GLDN: variants seen among roughly 807,000 people sequenced by gnomAD.
The protein encoded by GLDN is gliomedin.
In GLDN, 47 loss-of-function variants were observed where a neutral mutation model predicts 56.5. The ratio of observed to expected loss-of-function variants is 0.83; its 90% CI spans 0.66 to 1.06. The LOEUF (loss-of-function observed/expected upper bound fraction) is 1.06. Ranked by LOEUF, GLDN falls within the 50% of genes least tolerant of loss-of-function variation. The pLI, the probability that GLDN is intolerant of heterozygous loss-of-function variation, is 0.00. For synonymous variants in GLDN, 332 were observed against 278.8 expected (o/e 1.19, Z -1.90); for missense variants, 782 against 714.3 (o/e 1.09, Z -1.08).
intron 1 of GLDN, among the ~76,000 whole-genome samples, chr15:51,351,368 T>C (rs2037073577): frequency 6.6e-6 from 1 of 152,170 alleles, no homozygotes; most frequent in Non-Finnish European, 1.5e-5. Context: ...CCTGCCACTA[T>C]GCCGGGGAAA....
At chr15:51,395,296 G>T (rs944626910) in intron 5 of GLDN, among the ~76,000 whole-genome samples, 1 of 152,198 alleles carries the variant, frequency 6.6e-6, no homozygotes, top group African/African-American at 2.4e-5. Context: ...CAAGTAAGCA[G>T]GCAACTTACG....
chr15:51,383,157 T>C (rs1026777780), intron 2 of GLDN, among the ~76,000 whole-genome samples: 6 of 152,190 alleles, frequency 3.9e-5, no homozygotes, highest in African/African-American at 1.2e-4. Context: ...GTTTATTAGG[T>C]TGACTGCTTG....
Position 51,404,819 on chromosome 15 carries a change from G to T in GLDN, c.*65G>T. 1.2e-6 allele frequency: 1 copy of T among 814,366 alleles called. No homozygotes were observed. Among genetic ancestry groups the T allele is most frequent in the Non-Finnish European group, 2.0e-6 (1 of 495,540 alleles). The allele number at this position is 814,366 out of a possible 1,614,324, so 50.4% of individuals were successfully genotyped here. On this transcript the variant is annotated 3_prime_UTR_variant, in exon 10 of 10. Coordinates refer to ENST00000335449, the MANE Select transcript of GLDN (RefSeq NM_181789.4). Reference sequence around the variant, plus strand: ...TTCTGGGACCAGTTCTCCCCCAACAGGAAACTTGTTTTTTTAACGTCAGCC... The same window carrying T: ...TTCTGGGACCAGTTCTCCCCCAACATGAAACTTGTTTTTTTAACGTCAGCC...
chr15:51,408,291 G>A (rs144494590), downstream of GLDN, among the ~76,000 whole-genome samples: 1,416 of 152,240 alleles, frequency 9.3e-3, 26 homozygotes, highest in Non-Finnish European at 9.2e-3. Flanking sequence ...GGCAATTGAG[G>A]ACATAATATT....
chr15:51,342,093 G>T, intron 1 of GLDN, 46 bp downstream of exon 1: 1 of 1,586,190 alleles, frequency 6.3e-7, no homozygotes, highest in Admixed American at 1.7e-5. Flanking sequence ...CAGGTGGGCG[G>T]CTGGGGGTGT....
downstream of GLDN, among the ~76,000 whole-genome samples, chr15:51,409,698 C>T (rs146553155): frequency 9.7e-3 from 1,479 of 152,282 alleles, 19 homozygotes; most frequent in African/African-American, 0.034. Flanking sequence ...ACAGAACACT[C>T]GATCCCACTG....
chr15:51,410,214 C>T (rs1374516394), downstream of GLDN, among the ~76,000 whole-genome samples: 6 of 152,218 alleles, frequency 3.9e-5, no homozygotes, highest in Non-Finnish European at 7.3e-5. Context: ...TCACCCCTTC[C>T]CTCTACGTGA....
At chr15:51,377,178 C>G in intron 1 of GLDN, 1 of 486,424 alleles carries the variant, frequency 2.1e-6, no homozygotes, top group East Asian at 3.4e-5. Flanking sequence ...ACCACAAACA[C>G]GAAGTCATGC....
chr15:51,408,267 A>C (rs1324066219), downstream of GLDN, among the ~76,000 whole-genome samples: 1 of 152,216 alleles, frequency 6.6e-6, no homozygotes, highest in Non-Finnish European at 1.5e-5. Flanking sequence ...TTGCCAATTC[A>C]TCAGCATGGG....
intron 1 of GLDN, among the ~76,000 whole-genome samples, chr15:51,372,592 T>G (rs1294998378): frequency 1.3e-5 from 2 of 152,154 alleles, no homozygotes; most frequent in Non-Finnish European, 2.9e-5. Flanking sequence ...GTGGCTGGGT[T>G]GGACTTTTTC....
chr15:51,394,980 A>G lies in GLDN; in HGVS notation c.687A>G (p.Ala229=). ...ATGTGTCCAACGACGTGCTCCTGGCAGGTAAGAGGGGTACGCTGTGGCTCT... is the reference window on the plus strand; with the variant it reads ...ATGTGTCCAACGACGTGCTCCTGGCGGGTAAGAGGGGTACGCTGTGGCTCT... ...KGDVSNDVLL[A]GAKGDQGPPG... is the part of the protein sequence containing the mutation. Residue 229 remains alanine, a splice_region_variant and synonymous_variant, in exon 5 of 10, where the codon GCA becomes GCG. Transcript: ENST00000335449. 16 of 1,592,338 alleles carry G rather than the reference A, an allele frequency of 1.0e-5. No individual in the cohort carries two copies. Among genetic ancestry groups the G allele is most frequent in the Non-Finnish European group, 1.4e-5 (16 of 1,171,840 alleles).
Position 51,377,483 on chromosome 15 carries a change from A to T in GLDN, c.398A>T (p.Lys133Met). 2 of 1,614,098 alleles carry T rather than the reference A, an allele frequency of 1.2e-6. No individual in the cohort carries two copies. Among genetic ancestry groups the T allele is most frequent in the South Asian group, 1.1e-5 (1 of 91,072 alleles). ...ATGGTGGACCTGTGCAACAGCACCA[A>T]GGGCATCTGCCTCACAGGTAGGCTG... The part of the protein sequence containing the change: ...RVMVDLCNST[K>M]GICLTGPSGP... The change falls in exon 2 of 10, where the codon AAG becomes ATG. Residue 133 changes from lysine to methionine, a missense_variant. Transcript: ENST00000335449.
chr15:51,394,058 A>G (rs1262622682), intron 4 of GLDN, among the ~76,000 whole-genome samples: 2 of 152,230 alleles, frequency 1.3e-5, no homozygotes, highest in Non-Finnish European at 2.9e-5. Flanking sequence ...ATCTGTTATA[A>G]CCACTGTAGG....
At chr15:51,394,811 T>G (rs751307707) in intron 4 of GLDN, 24 bp from the exon 5 acceptor site, 1 of 1,613,666 alleles carries the variant, frequency 6.2e-7, no homozygotes, top group East Asian at 2.2e-5. Flanking sequence ...CATAGGCTAA[T>G]ATGTCTTTTG....
At position 51,341,980 on chromosome 15, in the gene GLDN, A is replaced by C; in HGVS notation, c.296A>C (p.Glu99Ala). The C allele has an allele frequency of 6.3e-7, 1 of 1,597,666 alleles. No homozygotes were observed. The highest frequency in any genetic ancestry group is 1.1e-5 in the South Asian group (1 of 91,060). Reference sequence around the variant, plus strand: ...CGCAACAAGCGCAGCCACAGCGGCGAGCCCGCGCCGCATATCCGCGCCGAG... The same window carrying C: ...CGCAACAAGCGCAGCCACAGCGGCGCGCCCGCGCCGCATATCCGCGCCGAG... ...SARNKRSHSGEPAPHIRAESH... is the reference protein window; with the variant it reads ...SARNKRSHSGAPAPHIRAESH... The change falls in exon 1 of 10, where the codon GAG (glutamate) becomes GCG (alanine). Residue 99 changes from glutamate to alanine, a missense_variant. By Grantham distance (107) the Glu-to-Ala change is moderately radical. Transcript: ENST00000335449.
chr15:51,396,456 G>A (rs1229360648), intron 5 of GLDN, among the ~76,000 whole-genome samples: 1 of 152,234 alleles, frequency 6.6e-6, no homozygotes, highest in East Asian at 1.9e-4. Flanking sequence ...AAGCCACAAA[G>A]ACAATAGCAC....
At chr15:51,400,975 AG>A (rs1333866432) in intron 8 of GLDN, among the ~76,000 whole-genome samples, 2 of 152,200 alleles carry the variant, frequency 1.3e-5, no homozygotes, top group Non-Finnish European at 2.9e-5. Context: ...CTATCTGAGC[AG>A]GTCCCTAGTT....
At chr15:51,344,277 T>C (rs1028809652) in intron 1 of GLDN, among the ~76,000 whole-genome samples, 1 of 152,210 alleles carries the variant, frequency 6.6e-6, no homozygotes, top group African/African-American at 2.4e-5. Context: ...GGAAGGACCT[T>C]GGCATAACTT....
chr15:51,372,900 C>T (rs1258798894), intron 1 of GLDN, among the ~76,000 whole-genome samples: 2 of 152,066 alleles, frequency 1.3e-5, no homozygotes, highest in African/African-American at 2.4e-5. Flanking sequence ...GATTGAGGTA[C>T]CAGAATCTAG....
Sources: gnomAD v4.1 joint callset for allele counts (sites outside exome capture counted in the v4.1 genomes callset) on GRCh38, gnomAD v4.1.1 for gene constraint, MANE v1.5 for transcripts, NCBI Gene and HGNC (gene_info 2026-07-23, HGNC 2026-07-21) for gene names.